CCDC170: variants seen among roughly 807,000 people sequenced by gnomAD.
CCDC170 encodes coiled-coil domain containing 170.
CCDC170 carries 69 observed loss-of-function variants against 72.6 expected under a neutral mutation model. That is an observed-to-expected ratio of 0.95 (90% CI 0.78 to 1.16). CCDC170 has a LOEUF of 1.16. CCDC170 is among the 50% of genes most tolerant of loss of function. The pLI, the probability that CCDC170 is intolerant of heterozygous loss-of-function variation, is 0.00. For missense variants in CCDC170, 852 were observed against 832.5 expected, an observed-to-expected ratio of 1.02 and a Z score of -0.29; for synonymous variants, 300 against 303.9, an observed-to-expected ratio of 0.99 and a Z score of 0.13.
intron 5 of CCDC170, among the ~76,000 whole-genome samples, chr6:151,560,071 T>A (rs113574488): frequency 0.041 from 6,314 of 152,200 alleles, 430 homozygotes; most frequent in African/African-American, 0.14. Context: ...TTTTGATGTA[T>A]GCATTTAGCA....
chr6:151,560,416 A>G (rs910748177), intron 5 of CCDC170, among the ~76,000 whole-genome samples: 1 of 152,138 alleles, frequency 6.6e-6, no homozygotes, highest in Admixed American at 6.6e-5. Context: ...CTATTTGCAG[A>G]TGAGAAAAAT....
chr6:151,541,630 T>C (rs1416901481), intron 3 of CCDC170, among the ~76,000 whole-genome samples: 16 of 151,986 alleles, frequency 1.1e-4, no homozygotes, highest in Non-Finnish European at 2.4e-4. Context: ...AAACACTATA[T>C]GCATATTGTA....
chr6:151,499,711 G>T (rs1781965811), intron 1 of CCDC170, among the ~76,000 whole-genome samples: 1 of 150,712 alleles, frequency 6.6e-6, no homozygotes, highest in African/African-American at 2.5e-5. Flanking sequence ...GTCCTTCAAT[G>T]ACTGGCTTAT....
chr6:151,553,222 G>A (rs1041454435), intron 5 of CCDC170, among the ~76,000 whole-genome samples: 1 of 152,076 alleles, frequency 6.6e-6, no homozygotes, highest in Non-Finnish European at 1.5e-5. Context: ...GATCAGAGAG[G>A]TTATTCACTT....
At chr6:151,561,708 T>A (rs1010426618) in intron 5 of CCDC170, among the ~76,000 whole-genome samples, 10 of 152,068 alleles carry the variant, frequency 6.6e-5, no homozygotes, top group Admixed American at 5.9e-4. Flanking sequence ...TCTTCTTGTA[T>A]ACTATCTCAT....
Position 151,618,257 on chromosome 6 carries a change from G to C in CCDC170, c.*110G>C, listed in dbSNP as rs746020908. On this transcript the variant is annotated 3_prime_UTR_variant, in exon 11 of 11. Coordinates refer to ENST00000239374, the MANE Select transcript of CCDC170 (RefSeq NM_025059.4). ...TCAGTTTGTGAATATTTTATGCTTTGATGATATAGTGAGAATGCATCACTT... is the reference window on the plus strand; with the variant it reads ...TCAGTTTGTGAATATTTTATGCTTTCATGATATAGTGAGAATGCATCACTT... The C allele has an allele frequency of 6.1e-6, 6 of 978,194 alleles. No individual in the cohort carries two copies. Among genetic ancestry groups the C allele is most frequent in the Non-Finnish European group, 9.2e-6 (6 of 652,656 alleles). 60.6% of individuals were successfully genotyped at this position (978,194 alleles called of 1,614,324 possible). A position where few individuals can be genotyped will look rare whatever the true frequency, so the allele number is the denominator to read the frequency against.
chr6:151,604,792 G>A (rs1043570425), intron 9 of CCDC170, among the ~76,000 whole-genome samples: 1 of 151,818 alleles, frequency 6.6e-6, no homozygotes, highest in Admixed American at 6.6e-5. Context: ...ACATATTTTT[G>A]GGATACAGAG....
rs1554223885 is a variant in CCDC170, at chr6:151,572,653, T to TTTTTTTTTG, written c.775-513_775-512insGTTTTTTTT. Among the ~76,000 whole-genome samples, 52 of 100,498 alleles carry TTTTTTTTTG rather than the reference T, an allele frequency of 5.2e-4. 1 individual carries two copies. The highest frequency in any genetic ancestry group is 2.3e-3 in the South Asian group (7 of 3,032). 65.9% of individuals were successfully genotyped at this position (100,498 alleles called of 152,430 possible). A position where few individuals can be genotyped will look rare whatever the true frequency, so the allele number is the denominator to read the frequency against. Reference sequence around the variant, plus strand: ...TATTTTATATCCCTTCTCTGTGTTTTTTTTTTTTTTTTTTTTGATGGAGTC... The same window carrying TTTTTTTTTG: ...TATTTTATATCCCTTCTCTGTGTTTTTTTTTTTTGTTTTTTTTTTTTTTTTGATGGAGTC... On this transcript the variant is annotated intron_variant, in intron 5 of 10. Coordinates refer to ENST00000239374, the MANE Select transcript of CCDC170 (RefSeq NM_025059.4).
intron 9 of CCDC170, among the ~76,000 whole-genome samples, chr6:151,605,844 G>A (rs1776774315): frequency 6.6e-6 from 1 of 150,682 alleles, no homozygotes; most frequent in Non-Finnish European, 1.5e-5. Flanking sequence ...ATTTGTTTTT[G>A]TTTTTGTATA....
At chr6:151,524,929 C>CT (rs34288029) in intron 1 of CCDC170, among the ~76,000 whole-genome samples, 1,728 of 109,944 alleles carry the variant, frequency 0.016, 69 homozygotes, top group African/African-American at 0.029. Flanking sequence ...TAGTCTGATT[C>CT]TTTTTTTTTT....
chr6:151,516,448 A>T (rs931188466), intron 1 of CCDC170, among the ~76,000 whole-genome samples: 2 of 152,180 alleles, frequency 1.3e-5, no homozygotes, highest in African/African-American at 4.8e-5. Flanking sequence ...ATTTCTTGTC[A>T]TGAATGGGTG....
intron 5 of CCDC170, among the ~76,000 whole-genome samples, chr6:151,565,111 C>T (rs1776112022): frequency 6.6e-6 from 1 of 152,098 alleles, no homozygotes; most frequent in Non-Finnish European, 1.5e-5. Context: ...GCTGCAGTGG[C>T]TTGGCTTTGG....
At position 151,561,352 on chromosome 6, in the gene CCDC170, T is replaced by G. The variant is rs563229507; in HGVS notation, c.775-11822T>G. Among the ~76,000 whole-genome samples, 4 of 152,290 alleles carry G rather than the reference T, an allele frequency of 2.6e-5. No individual in the cohort carries two copies. The East Asian group carries it at 7.7e-4, about 29-fold the overall frequency. ...TTATGTGTGCTTTTATAGTCTCAAG[T>G]ATTATTCTTTCATTTCCATGTTTAG... On this transcript the variant is annotated intron_variant, in intron 5 of 10. Coordinates refer to ENST00000239374, the MANE Select transcript of CCDC170 (RefSeq NM_025059.4).
At chr6:151,498,293 A>T (rs1781939984) in intron 1 of CCDC170, among the ~76,000 whole-genome samples, 1 of 152,244 alleles carries the variant, frequency 6.6e-6, no homozygotes, top group African/African-American at 2.4e-5. Context: ...ATCAGCAGCT[A>T]TAGTTCCTCA....
rs1456189482 is a variant in CCDC170 at position 151,586,095 on chromosome 6, G to C, written c.1293+6G>C. 7 of 1,613,680 alleles carry C rather than the reference G, an allele frequency of 4.3e-6. No individual in the cohort carries two copies. The African/African-American group carries it at 8.0e-5, about 18-fold the overall frequency. Reference sequence around the variant, plus strand: ...TGAATTTTGAGAAACAAAAAGTAATGACCCGAGGGCATGTCCATGAGTGGA... The same window carrying C: ...TGAATTTTGAGAAACAAAAAGTAATCACCCGAGGGCATGTCCATGAGTGGA... On this transcript the variant is annotated splice_donor_region_variant and intron_variant, in intron 7 of 10. Transcript: ENST00000239374.
At chr6:151,560,095 T>C (rs1783053219) in intron 5 of CCDC170, among the ~76,000 whole-genome samples, 1 of 152,216 alleles carries the variant, frequency 6.6e-6, no homozygotes, top group African/African-American at 2.4e-5. Context: ...TATTTTCACA[T>C]TTAGCACTAT....
chr6:151,593,102 T>C lies in CCDC170; in HGVS notation c.1294-5T>C. 1 of 1,614,010 alleles carries C rather than the reference T, an allele frequency of 6.2e-7. No individual in the cohort carries two copies. The highest frequency in any genetic ancestry group is 8.5e-7 in the Non-Finnish European group (1 of 1,179,966). On this transcript the variant is annotated splice_region_variant and splice_polypyrimidine_tract_variant and intron_variant, in intron 7 of 10. Coordinates refer to ENST00000239374, the MANE Select transcript of CCDC170 (RefSeq NM_025059.4). ...TCCCATTTTTGTTTCTGTTCTTGGG[T>C]TTAGTATCTTAAATTTCTGGATCAG...
chr6:151,553,447 CTAG>C (rs1782918695), intron 5 of CCDC170, among the ~76,000 whole-genome samples: 1 of 151,882 alleles, frequency 6.6e-6, no homozygotes, highest in Admixed American at 6.6e-5. Context: ...TCAATTATAA[CTAG>C]TAGTTATTAA....
At chr6:151,602,530 C>T (rs1014759639) in intron 9 of CCDC170, among the ~76,000 whole-genome samples, 2 of 152,136 alleles carry the variant, frequency 1.3e-5, no homozygotes, top group South Asian at 4.2e-4. Context: ...ATTGTAATCC[C>T]CATGTATTGA....
Sources: gnomAD v4.1 joint callset for allele counts (sites outside exome capture counted in the v4.1 genomes callset) on GRCh38, gnomAD v4.1.1 for gene constraint, MANE v1.5 for transcripts, NCBI Gene and HGNC (gene_info 2026-07-23, HGNC 2026-07-21) for gene names.